Variants in CSMD1 observed in about 807,000 individuals in gnomAD.
The protein encoded by CSMD1 is CUB and sushi domain-containing protein 1.
In CSMD1, 213 loss-of-function variants were observed where a neutral mutation model predicts 417.5. That is an observed-to-expected ratio of 0.51 (90% confidence interval 0.46 to 0.57). The LOEUF (loss-of-function observed/expected upper bound fraction) is 0.57. Among genes scored for constraint, CSMD1 ranks in the 20% least tolerant of loss-of-function variants. CSMD1 has a pLI of 0.00. For missense variants in CSMD1, 6,923 were observed against 4,529.7 expected (o/e 1.53, Z -15.17); for synonymous variants, 2,862 against 1,736.8 (o/e 1.65, Z -16.11).
At chr8:3,214,376 C>T (rs1029659757) in intron 30 of CSMD1, 121 bp downstream of exon 30, 1 of 825,260 alleles carries the variant, frequency 1.2e-6, no homozygotes, top group Non-Finnish European at 1.8e-6. Context: ...CACTAGCTCT[C>T]TAAGCAATCC....
At chr8:4,348,544 A>G (rs144720082) in intron 3 of CSMD1, among the ~76,000 whole-genome samples, 2,066 of 147,760 alleles carry the variant, frequency 0.014, 57 homozygotes, top group African/African-American at 0.049. Context: ...ATCACAAATA[A>G]AAGTGTGTGT....
intron 2 of CSMD1, among the ~76,000 whole-genome samples, chr8:4,444,529 G>T (rs1051144673): frequency 2.0e-5 from 3 of 151,920 alleles, no homozygotes; most frequent in African/African-American, 7.3e-5. Context: ...TAGCCACGGA[G>T]AACAATAATG....
intron 3 of CSMD1, among the ~76,000 whole-genome samples, chr8:4,085,000 G>T (rs1437983039): frequency 2.0e-5 from 3 of 150,250 alleles, no homozygotes; most frequent in Admixed American, 6.6e-5. Context: ...GCGTGACAGG[G>T]AATTTAGATT....
chr8:3,641,083 A>C (rs1026584853), intron 7 of CSMD1, among the ~76,000 whole-genome samples: 1 of 126,166 alleles, frequency 7.9e-6, no homozygotes, highest in African/African-American at 3.1e-5. Context: ...ATGATTCAGG[A>C]CTCTGAGAAA....
At chr8:4,034,464 T>G (rs772889247) in intron 3 of CSMD1, among the ~76,000 whole-genome samples, 2 of 152,234 alleles carry the variant, frequency 1.3e-5, no homozygotes, top group Non-Finnish European at 2.9e-5. Context: ...AATTCTGTAT[T>G]TAATTCCACA....
chr8:3,823,220 T>A (rs893954962), intron 5 of CSMD1, among the ~76,000 whole-genome samples: 10 of 152,180 alleles, frequency 6.6e-5, no homozygotes, highest in African/African-American at 1.2e-4. Flanking sequence ...GGTTATTAGT[T>A]TAGGTCAAAA....
chr8:3,306,712 A>T (rs1252919030), intron 25 of CSMD1, among the ~76,000 whole-genome samples: 2 of 152,214 alleles, frequency 1.3e-5, no homozygotes, highest in Non-Finnish European at 2.9e-5. Flanking sequence ...ATTGGTTAGG[A>T]CTGTGTGTCC....
At chr8:4,136,354 G>A (rs1327960123) in intron 3 of CSMD1, among the ~76,000 whole-genome samples, 1 of 152,020 alleles carries the variant, frequency 6.6e-6, no homozygotes, top group Non-Finnish European at 1.5e-5. Flanking sequence ...AATATTCATC[G>A]CTGAGCACAA....
intron 2 of CSMD1, among the ~76,000 whole-genome samples, chr8:4,527,421 C>A (rs915808531): frequency 2.6e-5 from 4 of 152,134 alleles, no homozygotes; most frequent in African/African-American, 9.7e-5. Flanking sequence ...TTATTTTAGG[C>A]CATGCAATTG....
At chr8:3,663,483 A>T (rs1798524324) in intron 7 of CSMD1, among the ~76,000 whole-genome samples, 1 of 152,104 alleles carries the variant, frequency 6.6e-6, no homozygotes, top group African/African-American at 2.4e-5. Flanking sequence ...GTGAAAGGAA[A>T]ATGAACCTCA....
intron 3 of CSMD1, among the ~76,000 whole-genome samples, chr8:4,236,563 G>C (rs1227482819): frequency 6.6e-6 from 1 of 152,162 alleles, no homozygotes; most frequent in South Asian, 2.1e-4. Flanking sequence ...CAACGTGATA[G>C]AAAGTTTTCA....
intron 26 of CSMD1, among the ~76,000 whole-genome samples, chr8:3,280,324 A>T (rs1802634436): frequency 6.6e-6 from 1 of 152,230 alleles, no homozygotes; most frequent in African/African-American, 2.4e-5. Context: ...TAAATAAAGT[A>T]AAAATAACAG....
chr8:4,234,444 G>A (rs893062101), intron 3 of CSMD1, among the ~76,000 whole-genome samples: 5 of 152,094 alleles, frequency 3.3e-5, no homozygotes, highest in African/African-American at 1.2e-4. Context: ...TTGCTACCAA[G>A]ACGTCCATTT....
At chr8:4,852,496 C>A (rs1389414284) in intron 1 of CSMD1, among the ~76,000 whole-genome samples, 1 of 152,136 alleles carries the variant, frequency 6.6e-6, no homozygotes, top group Non-Finnish European at 1.5e-5. Flanking sequence ...ATCTACAGGT[C>A]AGCCAATTAA....
intron 2 of CSMD1, among the ~76,000 whole-genome samples, chr8:4,453,366 G>C (rs1486051330): frequency 1.3e-5 from 2 of 152,150 alleles, no homozygotes; most frequent in Non-Finnish European, 2.9e-5. Context: ...CTGGGATTGG[G>C]GGTCTCCTGG....
chr8:4,457,675 G>C (rs577781060), intron 2 of CSMD1, among the ~76,000 whole-genome samples: 20 of 152,236 alleles, frequency 1.3e-4, no homozygotes, highest in South Asian at 2.1e-4. Flanking sequence ...AGACAATGAA[G>C]AGCACTAGAG....
intron 2 of CSMD1, among the ~76,000 whole-genome samples, chr8:4,544,966 G>A (rs1013063132): frequency 2.0e-5 from 3 of 151,946 alleles, no homozygotes; most frequent in Non-Finnish European, 2.9e-5. Context: ...TATGTCACTT[G>A]TTGTCTATAA....
chr8:4,370,832 T>A (rs1802352220), intron 3 of CSMD1, among the ~76,000 whole-genome samples: 3 of 152,196 alleles, frequency 2.0e-5, no homozygotes, highest in Admixed American at 6.5e-5. Context: ...TCTTAGATCA[T>A]TTTATTGTTT....
chr8:3,283,089 G>C (rs1394873153), intron 26 of CSMD1, among the ~76,000 whole-genome samples: 1 of 152,108 alleles, frequency 6.6e-6, no homozygotes, highest in Non-Finnish European at 1.5e-5. Flanking sequence ...CTATCTTTAG[G>C]AGATTATAGT....
Sources: allele counts gnomAD v4.1 joint callset (sites outside exome capture counted in the v4.1 genomes callset), GRCh38; gene constraint gnomAD v4.1.1; transcripts MANE v1.5; gene names NCBI Gene and HGNC (gene_info 2026-07-23, HGNC 2026-07-21).